SMYD3: variants seen among roughly 807,000 people sequenced by gnomAD.
SMYD3 encodes SET and MYND domain containing 3, also known as histone-lysine N-methyltransferase SMYD3.
SMYD3 carries 36 observed loss-of-function variants against 57.7 expected under a neutral mutation model. The ratio of observed to expected loss-of-function variants is 0.62; its 90% CI spans 0.48 to 0.82. SMYD3 has a LOEUF of 0.82. Ranked by LOEUF, SMYD3 falls within the 40% of genes least tolerant of loss-of-function variation. The pLI is 0.00. For missense variants in SMYD3, 515 were observed against 538.8 expected, an observed-to-expected ratio of 0.96 and a Z score of 0.44; for synonymous variants, 211 against 195.0, an observed-to-expected ratio of 1.08 and a Z score of -0.68.
At chr1:246,450,334 A>C (rs1411166926) in intron 1 of SMYD3, among the ~76,000 whole-genome samples, 2 of 151,826 alleles carry the variant, frequency 1.3e-5, no homozygotes, top group Admixed American at 6.6e-5. Flanking sequence ...GACATCCCAG[A>C]CTCCCAAAGA....
chr1:245,821,456 T>G (rs1404729251), intron 10 of SMYD3, among the ~76,000 whole-genome samples: 1 of 149,078 alleles, frequency 6.7e-6, no homozygotes, highest in Non-Finnish European at 1.5e-5. Context: ...GAAGAAAACC[T>G]AGGCATTACC....
In SMYD3 at chr1:246,288,062, C is replaced by CTT. The variant is rs67603439; in HGVS notation, c.531+39137_531+39138dup. Among the ~76,000 whole-genome samples the CTT allele has an allele frequency of 5.6e-3, 360 of 64,202 alleles. 39 individuals carry two copies. The highest frequency in any genetic ancestry group is 0.018 in the African/African-American group (266 of 15,006). The allele number at this position is 64,202 out of a possible 152,430, so 42.1% of individuals were successfully genotyped here. A position where few individuals can be genotyped will look rare whatever the true frequency, so the allele number is the denominator to read the frequency against. On this transcript the variant is annotated intron_variant, in intron 5 of 11. Transcript: ENST00000490107. ...GTTTTTGAAATGCCATCAGGTAATT[C>CTT]TTTTTTTTTTTTTTTTTTTTTTTTT...
At chr1:245,960,464 T>C (rs1471985023) in intron 5 of SMYD3, among the ~76,000 whole-genome samples, 1 of 152,114 alleles carries the variant, frequency 6.6e-6, no homozygotes, top group Non-Finnish European at 1.5e-5. Context: ...CACTAAAGAA[T>C]GGGCATAGGG....
chr1:245,933,948 C>A (rs1489375955), intron 5 of SMYD3, among the ~76,000 whole-genome samples: 1 of 152,068 alleles, frequency 6.6e-6, no homozygotes, highest in African/African-American at 2.4e-5. Context: ...TTCCCAGCCC[C>A]CTCCCCCAAT....
At chr1:246,151,717 C>T (rs1452712458) in intron 5 of SMYD3, among the ~76,000 whole-genome samples, 2 of 152,092 alleles carry the variant, frequency 1.3e-5, no homozygotes, top group Non-Finnish European at 2.9e-5. Flanking sequence ...CTTTAAGGCC[C>T]GTTTCAACCC....
chr1:246,282,788 T>C (rs2064482342), intron 5 of SMYD3, among the ~76,000 whole-genome samples: 1 of 152,228 alleles, frequency 6.6e-6, no homozygotes, highest in South Asian at 2.1e-4. Context: ...GATAAAAATT[T>C]ATTCATGACT....
At chr1:246,378,444 G>T (rs186074280) in intron 1 of SMYD3, among the ~76,000 whole-genome samples, 1 of 151,668 alleles carries the variant, frequency 6.6e-6, no homozygotes, top group Non-Finnish European at 1.5e-5. Flanking sequence ...AAAGCAGGCA[G>T]AAAAATGTAA....
At position 245,986,726 on chromosome 1, in the gene SMYD3, C is replaced by G. The variant is rs141583276; in HGVS notation, c.532-56789G>C. Among the ~76,000 whole-genome samples the G allele has an allele frequency of 7.0e-3, 1,062 of 152,296 alleles. 18 individuals carry two copies. The highest frequency in any genetic ancestry group is 0.024 in the African/African-American group (1,004 of 41,554). On this transcript the variant is annotated intron_variant, in intron 5 of 11. Transcript: ENST00000490107. ...TTCCAGCCTAAAGGTGACCCACCCA[C>G]GCCCACATGCAAGGCTGGCAAGAAC...
At chr1:246,415,803 C>T (rs528121536) in intron 1 of SMYD3, among the ~76,000 whole-genome samples, 1 of 152,284 alleles carries the variant, frequency 6.6e-6, no homozygotes, top group South Asian at 2.1e-4. Flanking sequence ...AAAATAAAAA[C>T]ATTGAGCACC....
chr1:246,078,489 C>T (rs1279004974), intron 5 of SMYD3, among the ~76,000 whole-genome samples: 5 of 152,184 alleles, frequency 3.3e-5, no homozygotes, highest in African/African-American at 9.7e-5. Context: ...CTTCTTCAGC[C>T]GTCTTCTGCC....
chr1:246,074,047 A>C (rs1005109230), intron 5 of SMYD3, among the ~76,000 whole-genome samples: 1 of 152,204 alleles, frequency 6.6e-6, no homozygotes, highest in Non-Finnish European at 1.5e-5. Flanking sequence ...TTCTTAAAAC[A>C]TAAGTTTTTT....
chr1:245,825,159 A>C (rs913495719), intron 10 of SMYD3, among the ~76,000 whole-genome samples: 1 of 152,192 alleles, frequency 6.6e-6, no homozygotes, highest in Non-Finnish European at 1.5e-5. Flanking sequence ...CTTTGCCTTA[A>C]GACAGACATT....
At chr1:245,788,619 T>A (rs1440715879) in intron 10 of SMYD3, among the ~76,000 whole-genome samples, 3 of 152,194 alleles carry the variant, frequency 2.0e-5, no homozygotes, top group Admixed American at 1.3e-4. Context: ...TGCAGCAAGC[T>A]CTAAGCCCCT....
intron 10 of SMYD3, among the ~76,000 whole-genome samples, chr1:245,823,280 C>T (rs2049282327): frequency 6.6e-6 from 1 of 152,184 alleles, no homozygotes; most frequent in Non-Finnish European, 1.5e-5. Context: ...GCTTCTCTGC[C>T]CTTCCCCCAA....
intron 1 of SMYD3, among the ~76,000 whole-genome samples, chr1:246,443,483 T>C (rs2067501281): frequency 1.3e-5 from 2 of 152,244 alleles, no homozygotes; most frequent in African/African-American, 2.4e-5. Flanking sequence ...TTGAGATTAA[T>C]GTAATGAAAG....
At chr1:246,428,337 G>A (rs771147580) in intron 1 of SMYD3, among the ~76,000 whole-genome samples, 2 of 152,156 alleles carry the variant, frequency 1.3e-5, no homozygotes, top group African/African-American at 2.4e-5. Context: ...CAGTGTAAGA[G>A]TTAGGGTGTT....
chr1:245,793,072 A>G (rs1004518546), intron 10 of SMYD3, among the ~76,000 whole-genome samples: 1 of 51,338 alleles, frequency 1.9e-5, no homozygotes, highest in Non-Finnish European at 4.1e-5. Context: ...GCACTTTGGG[A>G]GGCCGAGGCG....
chr1:246,220,615 C>T (rs369462509), intron 5 of SMYD3, among the ~76,000 whole-genome samples: 6 of 152,300 alleles, frequency 3.9e-5, no homozygotes, highest in African/African-American at 1.2e-4. Flanking sequence ...AGTCCGGGCA[C>T]CATGAACAGC....
intron 10 of SMYD3, among the ~76,000 whole-genome samples, chr1:245,801,926 A>AC (rs1395750365): frequency 6.6e-6 from 1 of 152,024 alleles, no homozygotes; most frequent in Non-Finnish European, 1.5e-5. Flanking sequence ...CAAAAAAAAA[A>AC]ACCTTTGAGT....
Sources: allele counts gnomAD v4.1 joint callset (sites outside exome capture counted in the v4.1 genomes callset), GRCh38; gene constraint gnomAD v4.1.1; transcripts MANE v1.5; gene names NCBI Gene and HGNC (gene_info 2026-07-23, HGNC 2026-07-21).